The following SHQ1 variants were observed in gnomAD, a reference collection of about 807,000 sequenced individuals.
The protein encoded by SHQ1 is protein SHQ1 homolog.
In SHQ1, 49 loss-of-function variants were observed where a neutral mutation model predicts 53.8. The ratio of observed to expected loss-of-function variants is 0.91; its 90% CI spans 0.72 to 1.16. SHQ1 has a LOEUF of 1.16. Among genes scored for constraint, SHQ1 ranks in the 50% most tolerant of loss-of-function variants. The pLI is 0.00. For synonymous variants in SHQ1, 243 were observed against 251.0 expected, an observed-to-expected ratio of 0.97 and a Z score of 0.30; for missense variants, 738 against 683.1, an observed-to-expected ratio of 1.08 and a Z score of -0.90.
At chr3:72,783,055 T>C (rs370989848) in intron 10 of SHQ1, among the ~76,000 whole-genome samples, 22 of 152,134 alleles carry the variant, frequency 1.4e-4, no homozygotes, top group Admixed American at 1.2e-3. Context: ...TGAAGGAAAA[T>C]AGCAATTTGC....
intron 9 of SHQ1, among the ~76,000 whole-genome samples, chr3:72,802,131 A>G (rs1706807218): frequency 6.6e-6 from 1 of 152,236 alleles, no homozygotes. Flanking sequence ...TACTTTACAT[A>G]TGAAAAGGGA....
At chr3:72,844,319 A>G (rs1482011900) in intron 2 of SHQ1, 40 bp downstream of exon 2, 1 of 1,544,930 alleles carries the variant, frequency 6.5e-7, no homozygotes, top group African/African-American at 1.4e-5. Context: ...AATGTGAAAA[A>G]TCCCAAGAAA....
chr3:72,846,091 G>T, intron 1 of SHQ1: 1 of 894,478 alleles, frequency 1.1e-6, no homozygotes, highest in Non-Finnish European at 1.7e-6. Flanking sequence ...AATGCAAAGA[G>T]CTTAGTGGCC....
Position 72,750,585 on chromosome 3 carries a change from T to C in SHQ1, c.1433A>G (p.Asp478Gly). 1.2e-6 allele frequency: 2 copies of C among 1,614,218 alleles called. No individual in the cohort carries two copies. The highest frequency in any genetic ancestry group is 1.7e-6 in the Non-Finnish European group (2 of 1,180,034). ...CTCAGATGGACTATCTTTGAGTTCA[T>C]CTTGTTCTGAATCTGAGCCTGAGTC... is the stretch of plus-strand genomic sequence containing the variant. Reference protein sequence around the residue: ...NEDSGSDSEQDELKDSPSETV... With the variant: ...NEDSGSDSEQGELKDSPSETV... The change falls in exon 11 of 11, where the codon GAT becomes GGT. Residue 478 changes from aspartate (D) to glycine (G), a missense_variant. Asp to Gly is a moderately conservative substitution (Grantham distance 94, BLOSUM62 -1). Coordinates refer to ENST00000325599, the MANE Select transcript of SHQ1 (RefSeq NM_018130.3).
At chr3:72,747,914 G>A (rs1423772858), downstream of SHQ1, among the ~76,000 whole-genome samples, 3 of 151,922 alleles carry the variant, frequency 2.0e-5, no homozygotes, top group Non-Finnish European at 4.4e-5. Flanking sequence ...ACTTGAACCC[G>A]AGAGACAGAG....
chr3:72,825,678 T>C (rs1382370269), intron 5 of SHQ1, among the ~76,000 whole-genome samples: 1 of 152,232 alleles, frequency 6.6e-6, no homozygotes, highest in East Asian at 1.9e-4. Flanking sequence ...TAACAAGGTA[T>C]AACTCATGGT....
chr3:72,758,876 A>G (rs1202831357), intron 10 of SHQ1, among the ~76,000 whole-genome samples: 1 of 152,170 alleles, frequency 6.6e-6, no homozygotes, highest in Non-Finnish European at 1.5e-5. Context: ...CAAGGCTACT[A>G]TTAATAGTCC....
Position 72,824,567 on chromosome 3 carries a change from G to GA in SHQ1, c.600-17dup. The GA allele has an allele frequency of 6.2e-7, 1 of 1,603,436 alleles. No individual in the cohort carries two copies. The highest frequency in any genetic ancestry group is 8.5e-7 in the Non-Finnish European group (1 of 1,177,082). ...AAAGTCAGCTCTAGGAAAAAACATT[G>GA]AAAGAACTTACTATACAGGATTTCA... is the stretch of plus-strand genomic sequence containing the variant. On this transcript the variant is annotated splice_polypyrimidine_tract_variant and intron_variant, in intron 5 of 10. Coordinates refer to ENST00000325599, the MANE Select transcript of SHQ1 (RefSeq NM_018130.3).
At chr3:72,798,844 C>G (rs1706704959) in intron 9 of SHQ1, among the ~76,000 whole-genome samples, 1 of 152,190 alleles carries the variant, frequency 6.6e-6, no homozygotes, top group South Asian at 2.1e-4. Context: ...GTTGCTAATT[C>G]TATACAATAA....
At chr3:72,843,389 A>T (rs977611584) in intron 2 of SHQ1, among the ~76,000 whole-genome samples, 8 of 152,222 alleles carry the variant, frequency 5.3e-5, no homozygotes, top group Admixed American at 2.0e-4. Flanking sequence ...AGTCTATGGC[A>T]GACTCAAATC....
chr3:72,776,774 A>C (rs1369544567), intron 10 of SHQ1, among the ~76,000 whole-genome samples: 6 of 152,216 alleles, frequency 3.9e-5, no homozygotes, highest in Non-Finnish European at 8.8e-5. Flanking sequence ...AATTCCAATC[A>C]AAATGTTTTT....
At chr3:72,844,447 T>G (rs373868282) in intron 1 of SHQ1, 24 bp from the exon 2 acceptor site, 1 of 1,595,842 alleles carries the variant, frequency 6.3e-7, no homozygotes, top group South Asian at 1.1e-5. Flanking sequence ...ACAGGTCTCA[T>G]GAAGTCCTTA....
At chr3:72,797,253 T>C (rs1416916081) in intron 9 of SHQ1, among the ~76,000 whole-genome samples, 1 of 151,914 alleles carries the variant, frequency 6.6e-6, no homozygotes, top group African/African-American at 2.4e-5. Flanking sequence ...AGAGCGAGAC[T>C]CCATCTCAAA....
At chr3:72,743,708 G>C in the SHQ1 span, among the ~76,000 whole-genome samples, 1 of 152,214 alleles carries the variant, frequency 6.6e-6, no homozygotes, top group African/African-American at 2.4e-5. Flanking sequence ...CATTCAACAA[G>C]TGTCGTCTGA....
the SHQ1 span, among the ~76,000 whole-genome samples, chr3:72,731,378 AG>A: frequency 2.0e-5 from 3 of 151,662 alleles, no homozygotes; most frequent in East Asian, 3.8e-4. Context: ...ATCATTAAAA[AG>A]TTTTTTTAAA....
chr3:72,845,485 C>CAA (rs550677371), intron 1 of SHQ1, among the ~76,000 whole-genome samples: 1 of 123,688 alleles, frequency 8.1e-6, no homozygotes. Flanking sequence ...ATTCTGTGTC[C>CAA]AAAAAAAAAA....
At chr3:72,835,106 CTTTT>C (rs761840255) in intron 4 of SHQ1, among the ~76,000 whole-genome samples, 5 of 130,792 alleles carry the variant, frequency 3.8e-5, no homozygotes, top group Admixed American at 7.7e-5. Context: ...CCATCAGCTT[CTTTT>C]TTTTTTTTTT....
intron 10 of SHQ1, among the ~76,000 whole-genome samples, chr3:72,759,691 C>T (rs932252511): frequency 6.6e-6 from 1 of 151,762 alleles, no homozygotes; most frequent in Non-Finnish European, 1.5e-5. Context: ...ACTCTTGTGT[C>T]AAAAAAACAA....
chr3:72,802,775 G>A (rs560757884), intron 9 of SHQ1, among the ~76,000 whole-genome samples: 2 of 152,176 alleles, frequency 1.3e-5, no homozygotes, highest in South Asian at 2.1e-4. Flanking sequence ...CACTCTATCA[G>A]GGTCAGAGTG....
Sources: gnomAD v4.1 joint callset for allele counts (sites outside exome capture counted in the v4.1 genomes callset) on GRCh38, gnomAD v4.1.1 for gene constraint, MANE v1.5 for transcripts, NCBI Gene and HGNC (gene_info 2026-07-23, HGNC 2026-07-21) for gene names.